EFCAB11: variants seen among roughly 807,000 people sequenced by gnomAD.
EFCAB11 encodes EF-hand calcium-binding domain-containing protein 11.
In EFCAB11, 14 loss-of-function variants were observed where a neutral mutation model predicts 23.0. That is an observed-to-expected ratio of 0.61 (90% confidence interval 0.40 to 0.95). The LOEUF (loss-of-function observed/expected upper bound fraction) is 0.95. EFCAB11 is among the 40% of genes least tolerant of loss of function. EFCAB11 has a pLI of 0.00. For synonymous variants in EFCAB11, 65 were observed against 66.6 expected (o/e 0.98, Z 0.11); for missense variants, 198 against 195.8 (o/e 1.01, Z -0.07).
intron 5 of EFCAB11, among the ~76,000 whole-genome samples, chr14:89,804,634 C>T (rs1203967203): frequency 6.6e-6 from 1 of 152,208 alleles, no homozygotes; most frequent in Non-Finnish European, 1.5e-5. Context: ...AGAGATGAAA[C>T]TTCACACAGA....
intron 5 of EFCAB11, among the ~76,000 whole-genome samples, chr14:89,929,690 C>T (rs1228445738): frequency 6.6e-6 from 1 of 152,172 alleles, no homozygotes; most frequent in Non-Finnish European, 1.5e-5. Flanking sequence ...CTGGCCAGGA[C>T]ATTCCATTTT....
At chr14:89,889,591 T>C (rs889232545) in intron 5 of EFCAB11, among the ~76,000 whole-genome samples, 2 of 152,240 alleles carry the variant, frequency 1.3e-5, no homozygotes, top group Non-Finnish European at 2.9e-5. Context: ...TTCAGGAAGG[T>C]TCCTACCACC....
At chr14:89,953,514 C>T (rs757104965) in intron 2 of EFCAB11, among the ~76,000 whole-genome samples, 2 of 152,222 alleles carry the variant, frequency 1.3e-5, no homozygotes, top group Non-Finnish European at 1.5e-5. Flanking sequence ...CCTTTCTGCA[C>T]TGTTTTAATT....
At chr14:89,931,441 T>C in intron 5 of EFCAB11, 100 bp downstream of exon 5, 2 of 1,126,008 alleles carry the variant, frequency 1.8e-6, no homozygotes, top group Non-Finnish European at 2.6e-6. Flanking sequence ...TGTTCCAGAC[T>C]CAAAAATCAG....
chr14:89,879,454 G>A (rs2140173550), intron 5 of EFCAB11, among the ~76,000 whole-genome samples: 1 of 150,454 alleles, frequency 6.6e-6, no homozygotes, highest in Non-Finnish European at 1.5e-5. Flanking sequence ...ATTTTTCAGT[G>A]ACTTACAATG....
intron 3 of EFCAB11, 149 bp downstream of exon 3, chr14:89,949,948 C>G: frequency 1.2e-6 from 1 of 823,300 alleles, no homozygotes; most frequent in South Asian, 1.7e-5. Context: ...GAACAACATG[C>G]GAAAAACCCG....
chr14:89,946,156 C>T (rs985819320), intron 3 of EFCAB11, among the ~76,000 whole-genome samples: 2 of 152,034 alleles, frequency 1.3e-5, no homozygotes, highest in African/African-American at 4.8e-5. Flanking sequence ...TCAAGTGATT[C>T]GTCTGCGTTG....
At chr14:89,854,562 C>T (rs991461823) in intron 5 of EFCAB11, among the ~76,000 whole-genome samples, 1 of 152,172 alleles carries the variant, frequency 6.6e-6, no homozygotes, top group African/African-American at 2.4e-5. Context: ...CAGCTGTCTC[C>T]CAGATGTCCC....
intron 5 of EFCAB11, among the ~76,000 whole-genome samples, chr14:89,900,432 A>C (rs1009816026): frequency 1.3e-5 from 2 of 152,182 alleles, no homozygotes; most frequent in African/African-American, 4.8e-5. Flanking sequence ...TAAATGGACA[A>C]ATTTTCTGAC....
At chr14:89,829,755 G>A (rs1886823752) in intron 5 of EFCAB11, 1 of 152,184 alleles carries the variant, frequency 6.6e-6, no homozygotes, top group Admixed American at 6.5e-5. Flanking sequence ...ATGACATAGT[G>A]ATGATTCTGA....
chr14:89,835,231 A>C (rs529079926), intron 5 of EFCAB11, among the ~76,000 whole-genome samples: 1 of 152,348 alleles, frequency 6.6e-6, no homozygotes, highest in East Asian at 1.9e-4. Flanking sequence ...GCAGAGGCCC[A>C]GCATGTTTAC....
At chr14:89,877,228 C>T (rs185858436) in intron 5 of EFCAB11, among the ~76,000 whole-genome samples, 92 of 152,002 alleles carry the variant, frequency 6.1e-4, no homozygotes, top group Middle Eastern at 3.4e-3. Flanking sequence ...TTAGTAGAGA[C>T]GGGGTTTCAT....
chr14:89,923,573 T>C (rs554149709), intron 5 of EFCAB11: 3 of 621,476 alleles, frequency 4.8e-6, no homozygotes, highest in Non-Finnish European at 4.0e-6. Flanking sequence ...ACACAGAAGG[T>C]ATAGCTGATG....
chr14:89,945,111 T>TC (rs1448651068), intron 3 of EFCAB11, among the ~76,000 whole-genome samples: 4 of 151,670 alleles, frequency 2.6e-5, no homozygotes, highest in African/African-American at 7.2e-5. Context: ...CTGCTCTCTT[T>TC]TCCCCCCCCA....
chr14:89,833,169 G>C (rs1294868283), intron 5 of EFCAB11: 2 of 150,838 alleles, frequency 1.3e-5, no homozygotes, highest in Non-Finnish European at 3.0e-5. Flanking sequence ...GGACCGACAA[G>C]AGTTTTCCCT....
intron 5 of EFCAB11, among the ~76,000 whole-genome samples, chr14:89,899,602 G>C (rs931890022): frequency 6.6e-6 from 1 of 152,256 alleles, no homozygotes; most frequent in Middle Eastern, 3.4e-3. Flanking sequence ...GGAATAATTA[G>C]TACCCAGAAT....
At chr14:89,919,987 T>C (rs1889971959) in intron 5 of EFCAB11, among the ~76,000 whole-genome samples, 1 of 152,200 alleles carries the variant, frequency 6.6e-6, no homozygotes, top group Non-Finnish European at 1.5e-5. Context: ...AATCCTCCCT[T>C]ATGAAGAGAA....
chr14:89,821,317 T>C (rs929447685), intron 5 of EFCAB11, among the ~76,000 whole-genome samples: 3 of 152,192 alleles, frequency 2.0e-5, no homozygotes, highest in Admixed American at 6.5e-5. Context: ...CAACTCTTAC[T>C]TGAGTCTCCA....
intron 5 of EFCAB11, among the ~76,000 whole-genome samples, chr14:89,802,950 T>C (rs778694829): frequency 1.3e-5 from 2 of 152,208 alleles, no homozygotes; most frequent in Non-Finnish European, 2.9e-5. Context: ...ATCAGCACGA[T>C]TGATATTTTG....
Sources: gnomAD v4.1 joint callset for allele counts (sites outside exome capture counted in the v4.1 genomes callset) on GRCh38, gnomAD v4.1.1 for gene constraint, MANE v1.5 for transcripts, NCBI Gene and HGNC (gene_info 2026-07-23, HGNC 2026-07-21) for gene names.